The following STPG2 variants were observed in gnomAD, a reference collection of about 807,000 sequenced individuals.
The protein encoded by STPG2 is sperm-tail PG-rich repeat-containing protein 2.
A neutral mutation model predicts 54.2 loss-of-function variants in STPG2; 56 were observed. The ratio of observed to expected loss-of-function variants is 1.03; its 90% CI spans 0.83 to 1.29. The LOEUF is 1.29. Among genes scored for constraint, STPG2 ranks in the 50% most tolerant of loss-of-function variants. STPG2 has a pLI of 0.00. For missense variants in STPG2, 596 were observed against 544.9 expected, an observed-to-expected ratio of 1.09 and a Z score of -0.93; for synonymous variants, 200 against 181.8, an observed-to-expected ratio of 1.10 and a Z score of -0.81.
intron 5 of STPG2, among the ~76,000 whole-genome samples, chr4:98,099,532 A>G (rs2110134259): frequency 6.6e-6 from 1 of 152,304 alleles, no homozygotes; most frequent in East Asian, 1.9e-4. Context: ...ATAAATAGAA[A>G]GAATGAATAA....
intron 1 of STPG2, among the ~76,000 whole-genome samples, chr4:98,141,085 T>C (rs1386438085): frequency 6.6e-6 from 1 of 152,064 alleles, no homozygotes; most frequent in Non-Finnish European, 1.5e-5. Context: ...CAAATTCCTA[T>C]CTAAGGGGTC....
intron 8 of STPG2, among the ~76,000 whole-genome samples, chr4:97,898,260 A>G (rs1731036639): frequency 6.6e-6 from 1 of 151,934 alleles, no homozygotes; most frequent in Non-Finnish European, 1.5e-5. Flanking sequence ...CCATTGGAAT[A>G]TGTGTCTGCT....
intron 5 of STPG2, among the ~76,000 whole-genome samples, chr4:98,068,613 T>A (rs1050192120): frequency 5.5e-4 from 84 of 152,282 alleles, no homozygotes; most frequent in Non-Finnish European, 9.9e-4. Context: ...TTAGGGGCTC[T>A]CTGGGTCCAG....
chr4:97,514,563 A>G (rs1731036761), intron 4 of STPG2, among the ~76,000 whole-genome samples: 1 of 152,184 alleles, frequency 6.6e-6, no homozygotes, highest in Non-Finnish European at 1.5e-5. Context: ...CATAAAGCAT[A>G]TGATTTACTA....
intron 5 of STPG2, among the ~76,000 whole-genome samples, chr4:98,018,272 G>A (rs1358015895): frequency 6.6e-6 from 1 of 151,970 alleles, no homozygotes; most frequent in African/African-American, 2.4e-5. Context: ...GCGGTGTTTG[G>A]TTTTTTGTCC....
At chr4:97,801,565 G>A (rs755971806) in intron 9 of STPG2, among the ~76,000 whole-genome samples, 5 of 152,212 alleles carry the variant, frequency 3.3e-5, no homozygotes, top group Non-Finnish European at 5.9e-5. Context: ...ATCTAGGGCA[G>A]TATTTTGGCC....
At chr4:97,602,571 T>C (rs921286994) in intron 10 of STPG2, among the ~76,000 whole-genome samples, 4 of 151,826 alleles carry the variant, frequency 2.6e-5, no homozygotes, top group Non-Finnish European at 5.9e-5. Context: ...GGATAGATAC[T>C]CTTAATTACA....
At chr4:97,829,982 T>C (rs931898420) in intron 9 of STPG2, among the ~76,000 whole-genome samples, 1 of 152,062 alleles carries the variant, frequency 6.6e-6, no homozygotes, top group Non-Finnish European at 1.5e-5. Flanking sequence ...TTCCCCAACA[T>C]AGCAAGACAG....
At chr4:97,950,168 A>T (rs1733413212) in intron 7 of STPG2, among the ~76,000 whole-genome samples, 1 of 151,306 alleles carries the variant, frequency 6.6e-6, no homozygotes, top group Admixed American at 6.6e-5. Flanking sequence ...GTTAATTTTC[A>T]CCTTTCTCTA....
At chr4:97,867,605 A>G (rs551443436) in intron 8 of STPG2, among the ~76,000 whole-genome samples, 13 of 152,146 alleles carry the variant, frequency 8.5e-5, no homozygotes, top group Admixed American at 5.9e-4. Context: ...GCTACACATA[A>G]CAGAAGCCTT....
intron 4 of STPG2, among the ~76,000 whole-genome samples, chr4:97,478,568 A>C (rs2148819324): frequency 6.6e-6 from 1 of 152,172 alleles, no homozygotes; most frequent in South Asian, 2.1e-4. Context: ...AATTATTTCA[A>C]CATAGTCTCT....
intron 10 of STPG2, among the ~76,000 whole-genome samples, chr4:97,578,384 G>A (rs1732776516): frequency 6.6e-6 from 1 of 152,078 alleles, no homozygotes; most frequent in Non-Finnish European, 1.5e-5. Flanking sequence ...GTTTCAATAT[G>A]TAGCCAACTG....
In STPG2 at chr4:97,674,995, T is replaced by C. The variant is rs80060575; in HGVS notation, c.1320+37704A>G. On this transcript the variant is annotated intron_variant, in intron 10 of 10. Transcript: ENST00000295268. ...ATGTACCAAGTATATATTGATAATATTGAAGTATACATTCTCTTTTTTTTT... is the reference window on the plus strand; with the variant it reads ...ATGTACCAAGTATATATTGATAATACTGAAGTATACATTCTCTTTTTTTTT... Among the ~76,000 whole-genome samples, 105 of 152,274 alleles carry C rather than the reference T, an allele frequency of 6.9e-4. No homozygotes were observed. In the East Asian group the frequency reaches 0.016, roughly 23 times the overall value.
rs181313313 is a variant in STPG2 at position 97,860,815 on chromosome 4, G to T, written c.1045-19883C>A. On this transcript the variant is annotated intron_variant, in intron 8 of 10. Transcript: ENST00000295268. ...TGGCTAAAATTTCAACTACTATGTG[G>T]AATAGAAGTGGTAAAAGTGTGAGTC... Among the ~76,000 whole-genome samples the T allele has an allele frequency of 2.6e-3, 395 of 152,188 alleles. 3 individuals are homozygous for T. The highest frequency in any genetic ancestry group is 8.9e-3 in the African/African-American group (369 of 41,538).
intron 4 of STPG2, among the ~76,000 whole-genome samples, chr4:97,552,990 T>C (rs1284098730): frequency 6.6e-6 from 1 of 152,162 alleles, no homozygotes; most frequent in Non-Finnish European, 1.5e-5. Context: ...ATTAGAGTAA[T>C]AACTTGCAAT....
At chr4:97,850,885 A>G (rs1320090902) in intron 8 of STPG2, among the ~76,000 whole-genome samples, 11 of 152,188 alleles carry the variant, frequency 7.2e-5, no homozygotes, top group Admixed American at 6.6e-5. Flanking sequence ...CTGGGTAAGA[A>G]ACTAATAATC....
chr4:97,757,589 G>A (rs684210), intron 9 of STPG2, among the ~76,000 whole-genome samples: 7 of 151,808 alleles, frequency 4.6e-5, no homozygotes, highest in Admixed American at 2.0e-4. Flanking sequence ...ATATATATCC[G>A]TAACACAAAA....
intron 8 of STPG2, among the ~76,000 whole-genome samples, chr4:97,849,377 A>C (rs1207489499): frequency 6.6e-6 from 1 of 152,076 alleles, no homozygotes; most frequent in African/African-American, 2.4e-5. Context: ...CTTCATGTCC[A>C]AAACACCAAA....
At chr4:97,873,930 G>T (rs1300285862) in intron 8 of STPG2, among the ~76,000 whole-genome samples, 1 of 150,936 alleles carries the variant, frequency 6.6e-6, no homozygotes, top group Non-Finnish European at 1.5e-5. Flanking sequence ...ACTGAAGCTG[G>T]CCAAGAAAAT....
Sources: gnomAD v4.1 joint callset for allele counts (sites outside exome capture counted in the v4.1 genomes callset) on GRCh38, gnomAD v4.1.1 for gene constraint, MANE v1.5 for transcripts, NCBI Gene and HGNC (gene_info 2026-07-23, HGNC 2026-07-21) for gene names.